ZNF737: variants seen among roughly 807,000 people sequenced by gnomAD.
ZNF737 encodes zinc finger protein 737.
Under a neutral mutation model 11.7 loss-of-function variants are expected in ZNF737, and 13 were observed. The ratio of observed to expected loss-of-function variants is 1.11; its 90% CI spans 0.73 to 1.77. The LOEUF (loss-of-function observed/expected upper bound fraction) is 1.77. Among genes scored for constraint, ZNF737 ranks in the 40% most tolerant of loss-of-function variants. ZNF737 has a pLI of 0.00. For synonymous variants in ZNF737, 217 were observed against 216.2 expected, an observed-to-expected ratio of 1.00 and a Z score of -0.03; for missense variants, 636 against 638.0, an observed-to-expected ratio of 1.00 and a Z score of 0.03.
rs116011792 is a variant in ZNF737 at position 20,555,516 on chromosome 19, C to T, written c.4-1681G>A. Among the ~76,000 whole-genome samples, 1,393 of 152,288 alleles carry T rather than the reference C, an allele frequency of 9.1e-3. 23 individuals are homozygous for T. The highest frequency in any genetic ancestry group is 0.032 in the African/African-American group (1,331 of 41,560). ...TTTCTTAATCCTGTTCGGCATACAG[C>T]TAATGGAACACACTAATGGAGCCTC... On this transcript the variant is annotated intron_variant, in intron 1 of 3. Coordinates refer to ENST00000427401, the MANE Select transcript of ZNF737 (RefSeq NM_001159293.2).
At chr19:20,558,936 A>C (rs752985978) in intron 1 of ZNF737, among the ~76,000 whole-genome samples, 19 of 152,256 alleles carry the variant, frequency 1.2e-4, no homozygotes, top group Non-Finnish European at 2.6e-4. Flanking sequence ...AAATGTGGGA[A>C]GAATTCTCTC....
chr19:20,533,921 A>C (rs1457265138), downstream of ZNF737, among the ~76,000 whole-genome samples: 1 of 150,044 alleles, frequency 6.7e-6, no homozygotes, highest in Non-Finnish European at 1.5e-5. Context: ...GACTGAGTGA[A>C]TGGTGGTTCA....
At position 20,542,366 on chromosome 19, in the gene ZNF737, T is replaced by G. The variant is rs778416156; in HGVS notation, c.*2226A>C. ...GCCTCAGCCTCCTGAGTAGCTGAGA[T>G]TACAGGCATGCACCACCATGCCTGG... is the stretch of plus-strand genomic sequence containing the variant. On this transcript the variant is annotated 3_prime_UTR_variant, in exon 4 of 4. Coordinates refer to ENST00000427401, the MANE Select transcript of ZNF737 (RefSeq NM_001159293.2). The G allele has an allele frequency of 1.6e-4, 52 of 328,420 alleles. No homozygotes were observed. Among genetic ancestry groups the G allele is most frequent in the Non-Finnish European group, 2.0e-4 (46 of 229,666 alleles). The allele number at this position is 328,420 out of a possible 1,614,324, so 20.3% of individuals were successfully genotyped here.
At chr19:20,548,985 T>A (rs1277977863) in intron 3 of ZNF737, among the ~76,000 whole-genome samples, 71 of 72,684 alleles carry the variant, frequency 9.8e-4, no homozygotes, top group African/African-American at 1.8e-3. Flanking sequence ...AAAAAACAAT[T>A]ATGTATCTTT....
chr19:20,530,955 C>T (rs1183196146), downstream of ZNF737, among the ~76,000 whole-genome samples: 6 of 149,154 alleles, frequency 4.0e-5, no homozygotes, highest in South Asian at 4.4e-4. Flanking sequence ...ACTGAGTTAA[C>T]GAGACTCCGT....
downstream of ZNF737, among the ~76,000 whole-genome samples, chr19:20,537,482 G>A (rs1397095243): frequency 8.3e-5 from 12 of 144,388 alleles, no homozygotes; most frequent in East Asian, 2.1e-4. Context: ...CATTACAGGC[G>A]CGAGCCACCA....
At chr19:20,563,629 G>A (rs1555763029) in intron 1 of ZNF737, among the ~76,000 whole-genome samples, 1 of 151,692 alleles carries the variant, frequency 6.6e-6, no homozygotes, top group African/African-American at 2.4e-5. Flanking sequence ...GGGAATACAG[G>A]CGTATGCCAC....
rs1463947555 is a variant in ZNF737, at chr19:20,546,082, C to T, written c.227-106G>A. The T allele has an allele frequency of 1.4e-5, 18 of 1,303,906 alleles. 1 individual carries two copies. The highest frequency in any genetic ancestry group is 4.0e-4 in the Middle Eastern group (2 of 4,958). 80.8% of individuals were successfully genotyped at this position (1,303,906 alleles called of 1,614,324 possible). On this transcript the variant is annotated intron_variant, in intron 3 of 3. Transcript: ENST00000427401. Reference sequence around the variant, plus strand: ...TACAAACTACATAAGCAAGATGACACAGCAAAATACCACAAACTGTAATTT... The same window carrying T: ...TACAAACTACATAAGCAAGATGACATAGCAAAATACCACAAACTGTAATTT...
Position 20,542,156 on chromosome 19 carries a change from T to TTA in ZNF737, c.*2435_*2436insTA. On this transcript the variant is annotated 3_prime_UTR_variant, in exon 4 of 4. Transcript: ENST00000427401. ...AAGTGGGATACAGTTAGTGGCACAA[T>TTA]AATGGTTCATTAAACGCACGGTAGT... 1 of 985,154 alleles carries TTA rather than the reference T, an allele frequency of 1.0e-6. No individual in the cohort carries two copies. The highest frequency in any genetic ancestry group is 1.7e-5 in the African/African-American group (1 of 57,338). 61.0% of individuals were successfully genotyped at this position (985,154 alleles called of 1,614,324 possible).
In ZNF737 at chr19:20,544,266, G is replaced by A. The variant is rs1381796405; in HGVS notation, c.*326C>T. 1.0e-5 allele frequency: 12 copies of A among 1,151,108 alleles called. No individual in the cohort carries two copies. Among genetic ancestry groups the A allele is most frequent in the African/African-American group, 9.6e-5 (6 of 62,354 alleles). 71.3% of individuals were successfully genotyped at this position (1,151,108 alleles called of 1,614,324 possible). The stretch of plus-strand genomic sequence containing the variant: ...TTGTCACATTCTTTATATTTGTAGG[G>A]TTTATGTTCCATATAAATTCTCATA... On this transcript the variant is annotated 3_prime_UTR_variant, in exon 4 of 4. Coordinates refer to ENST00000427401, the MANE Select transcript of ZNF737 (RefSeq NM_001159293.2).
At chr19:20,564,422 G>C (rs113630737) in intron 1 of ZNF737, among the ~76,000 whole-genome samples, 113 of 152,216 alleles carry the variant, frequency 7.4e-4, no homozygotes, top group African/African-American at 2.4e-3. Flanking sequence ...AAATGGAAGA[G>C]AGATTTTCCC....
chr19:20,536,422 T>TTGAA (rs1967968150), downstream of ZNF737, among the ~76,000 whole-genome samples: 4 of 152,234 alleles, frequency 2.6e-5, no homozygotes, highest in Admixed American at 2.0e-4. Context: ...TCAATTTATA[T>TTGAA]CACCTGCCTC....
intron 1 of ZNF737, 125 bp from the exon 2 acceptor site, chr19:20,553,960 C>T: frequency 2.6e-6 from 3 of 1,139,882 alleles, no homozygotes; most frequent in Non-Finnish European, 3.7e-6. Flanking sequence ...TAAAATTATC[C>T]AATAAAATAA....
Position 20,542,031 on chromosome 19 carries a change from C to G in ZNF737, c.*2561G>C. The G allele has an allele frequency of 1.0e-6, 1 of 984,642 alleles. No individual in the cohort carries two copies. Among genetic ancestry groups the G allele is most frequent in the South Asian group, 4.7e-5 (1 of 21,248 alleles). 61.0% of individuals were successfully genotyped at this position (984,642 alleles called of 1,614,324 possible). ...TAATCTATGGGAACAATATTTAACT[C>G]ATTTGCAGTTTAAAGCCACTGACAG... is the stretch of plus-strand genomic sequence containing the variant. On this transcript the variant is annotated 3_prime_UTR_variant, in exon 4 of 4. Transcript: ENST00000427401.
In ZNF737 at chr19:20,539,633, C is replaced by T. The variant is rs1310170125; in HGVS notation, c.*4959G>A. 3 of 942,774 alleles carry T rather than the reference C, an allele frequency of 3.2e-6. No individual in the cohort carries two copies. Among genetic ancestry groups the T allele is most frequent in the African/African-American group, 3.6e-5 (2 of 56,192 alleles). 58.4% of individuals were successfully genotyped at this position (942,774 alleles called of 1,614,324 possible). A position where few individuals can be genotyped will look rare whatever the true frequency, so the allele number is the denominator to read the frequency against. On this transcript the variant is annotated 3_prime_UTR_variant, in exon 4 of 4. Coordinates refer to ENST00000427401, the MANE Select transcript of ZNF737 (RefSeq NM_001159293.2). Reference sequence around the variant, plus strand: ...CATATTAATGTGTTTACAGTTTAATCTTGTATTACAGTATAGTAGAATCCT... The same window carrying T: ...CATATTAATGTGTTTACAGTTTAATTTTGTATTACAGTATAGTAGAATCCT...
chr19:20,538,860 T>G lies in ZNF737; in HGVS notation c.*5732A>C. 1.0e-6 allele frequency: 1 copy of G among 985,328 alleles called. No homozygotes were observed. Among genetic ancestry groups the G allele is most frequent in the Non-Finnish European group, 1.2e-6 (1 of 829,834 alleles). 61.0% of individuals were successfully genotyped at this position (985,328 alleles called of 1,614,324 possible). ...CTAATGGCATCTGTTACCCATTAAT[T>G]TTATACATTTGCTTTTTTGAAAAAC... is the stretch of plus-strand genomic sequence containing the variant. On this transcript the variant is annotated 3_prime_UTR_variant, in exon 4 of 4. Coordinates refer to ENST00000427401, the MANE Select transcript of ZNF737 (RefSeq NM_001159293.2).
rs782575200 is a variant in ZNF737 at position 20,545,458 on chromosome 19, T to C, written c.745A>G (p.Ile249Val). ...SRFSYLTAHK[I>V]IHSGEKPYKC... ...TAGGGTTTCTCTCCACTATGAATTA[T>C]CTTATGTGCAGTAAGGTATGAAAAC... The change falls in exon 4 of 4, where the codon ATA becomes GTA. Residue 249 changes from isoleucine (I) to valine (V), a missense_variant. Transcript: ENST00000427401. 3 of 1,613,714 alleles carry C rather than the reference T, an allele frequency of 1.9e-6. No individual in the cohort carries two copies. The highest frequency in any genetic ancestry group is 1.3e-5 in the African/African-American group (1 of 74,940).
At position 20,544,706 on chromosome 19, in the gene ZNF737, A is replaced by T; in HGVS notation, c.1497T>A (p.His499Gln). The change falls in exon 4 of 4, where the codon CAT (histidine) becomes CAA (glutamine). Residue 499 changes from histidine (H) to glutamine (Q), a missense_variant. Transcript: ENST00000427401. ...AFKRSFILTRHKRIHTGEKPY... is the reference protein window; with the variant it reads ...AFKRSFILTRQKRIHTGEKPY... ...GTTTCTCTCCAGTATGAATTCTCTT[A>T]TGTCTAGTAAGGATAAAGGAGCGCT... The T allele has an allele frequency of 6.2e-7, 1 of 1,606,868 alleles. No individual in the cohort carries two copies. The highest frequency in any genetic ancestry group is 8.5e-7 in the Non-Finnish European group (1 of 1,177,508).
rs1555759246 is a variant in ZNF737 at position 20,553,333 on chromosome 19, A to G, written c.130+376T>C. ...GAGTGCAATGGCATTATTTCGACTC[A>G]CTGCAACCTCCGCCTCCTGGGTTCA... On this transcript the variant is annotated intron_variant, in intron 2 of 3. Transcript: ENST00000427401. Among the ~76,000 whole-genome samples the G allele has an allele frequency of 2.0e-5, 3 of 151,996 alleles. 1 individual carries two copies. Among genetic ancestry groups the G allele is most frequent in the Non-Finnish European group, 4.4e-5 (3 of 68,006 alleles).
Sources: gnomAD v4.1 joint callset for allele counts (sites outside exome capture counted in the v4.1 genomes callset) on GRCh38, gnomAD v4.1.1 for gene constraint, MANE v1.5 for transcripts, NCBI Gene and HGNC (gene_info 2026-07-23, HGNC 2026-07-21) for gene names.